Variants in AGAP1 observed in about 807,000 individuals in gnomAD.
AGAP1 encodes the protein arf-GAP with GTPase, ANK repeat and PH domain-containing protein 1.
In AGAP1, 29 loss-of-function variants were observed where a neutral mutation model predicts 105.3. The ratio of observed to expected loss-of-function variants is 0.28; its 90% CI spans 0.21 to 0.38. The LOEUF is 0.38. Ranked by LOEUF, AGAP1 falls within the 10% of genes least tolerant of loss-of-function variation. AGAP1 has a pLI of 1.00. For missense variants in AGAP1, 998 were observed against 1,165.1 expected, an observed-to-expected ratio of 0.86 and a Z score of 2.09; for synonymous variants, 509 against 485.9, an observed-to-expected ratio of 1.05 and a Z score of -0.63.
At chr2:235,776,985 G>A (rs541116015) in intron 6 of AGAP1, 5 of 471,188 alleles carry the variant, frequency 1.1e-5, no homozygotes, top group South Asian at 7.7e-5. Context: ...AGTACATGGT[G>A]AGTTCCCAGC....
In AGAP1 at chr2:235,596,949, A is replaced by G. The variant is rs1162822012; in HGVS notation, c.163+102100A>G. 6.6e-6 allele frequency among the ~76,000 whole-genome samples: 1 copy of G among 152,160 alleles called. No individual in the cohort carries two copies. Among genetic ancestry groups the G allele is most frequent in the Non-Finnish European group, 1.5e-5 (1 of 68,032 alleles). ...ATGAGGAGATATGGCTTCTGCAGGA[A>G]GAGGCCTCACCAGGAACCAAATTGA... is the stretch of plus-strand genomic sequence containing the variant. On this transcript the variant is annotated intron_variant, in intron 1 of 17. Transcript: ENST00000304032. The surrounding 1 kb of genome is among the most constrained non-coding windows in gnomAD (Gnocchi z 5.9).
intron 1 of AGAP1, among the ~76,000 whole-genome samples, chr2:235,587,953 GGT>G (rs1303455335): frequency 6.6e-6 from 1 of 152,098 alleles, no homozygotes; most frequent in East Asian, 1.9e-4. Context: ...TTTGTGGCCG[GGT>G]GTGGTGGCTC....
In AGAP1 at chr2:235,551,502, A is replaced by G. The variant is rs538057554; in HGVS notation, c.163+56653A>G. ...TTTTGTAGAGACGGGTCGTCCAGTG[A>G]TACTCAGATTGGTCTCTAACTCCTG... On this transcript the variant is annotated intron_variant, in intron 1 of 17. Coordinates refer to ENST00000304032, the MANE Select transcript of AGAP1 (RefSeq NM_001037131.3). This position sits in a 1 kb window ranked among gnomAD's most constrained non-coding sequence, Gnocchi z 4.8. 2.0e-5 allele frequency among the ~76,000 whole-genome samples: 3 copies of G among 152,022 alleles called. No individual in the cohort carries two copies. The highest frequency in any genetic ancestry group is 3.9e-4 in the East Asian group (2 of 5,122).
intron 17 of AGAP1, among the ~76,000 whole-genome samples, chr2:236,122,341 A>C (rs1163970876): frequency 6.6e-6 from 1 of 152,138 alleles, no homozygotes; most frequent in Non-Finnish European, 1.5e-5. Context: ...ATACAGTCAC[A>C]TTCTAAAGTA....
Position 235,801,719 on chromosome 2 carries a change from G to A in AGAP1, c.957+2197G>A, listed in dbSNP as rs13430857. On this transcript the variant is annotated intron_variant, in intron 8 of 17. Transcript: ENST00000304032. The surrounding 1 kb of genome is among the most constrained non-coding windows in gnomAD (Gnocchi z 6.0). The stretch of plus-strand genomic sequence containing the variant: ...AAGGTGGGCTGTGGGCAGGCGGCCT[G>A]TGCCCCGGGAGGAGGGGCGGGCTTG... Among the ~76,000 whole-genome samples, 35,955 of 152,094 alleles carry A rather than the reference G, an allele frequency of 0.24. 5,220 individuals carry two copies. The highest frequency in any genetic ancestry group is 0.4 in the Admixed American group (6,097 of 15,278).
At chr2:235,892,446 A>G (rs1009650197) in intron 10 of AGAP1, among the ~76,000 whole-genome samples, 6 of 152,154 alleles carry the variant, frequency 3.9e-5, no homozygotes, top group Non-Finnish European at 7.3e-5. Context: ...CTCTAAAATT[A>G]TCATCAGAAT....
intron 11 of AGAP1, among the ~76,000 whole-genome samples, chr2:235,928,647 G>C (rs994286348): frequency 1.3e-5 from 2 of 152,188 alleles, no homozygotes; most frequent in Non-Finnish European, 2.9e-5. Context: ...TGGTGGGCAC[G>C]GGCTCCAGGA....
intron 1 of AGAP1, among the ~76,000 whole-genome samples, chr2:235,651,516 A>G (rs1386265043): frequency 6.6e-6 from 1 of 152,228 alleles, no homozygotes; most frequent in Non-Finnish European, 1.5e-5. Context: ...GCAAATAGAC[A>G]AAAACCAATT....
intron 9 of AGAP1, among the ~76,000 whole-genome samples, chr2:235,816,450 AAAAAAAAG>A (rs1958461591): frequency 6.6e-6 from 1 of 151,490 alleles, no homozygotes; most frequent in African/African-American, 2.4e-5. Flanking sequence ...AAAAAAAAAA[AAAAAAAAG>A]GAAAGAAAGA....
rs1212758560 is a variant in AGAP1, at chr2:236,095,897, A to G, written c.2115-24295A>G. 2.2e-5 allele frequency among the ~76,000 whole-genome samples: 2 copies of G among 92,768 alleles called. No homozygotes were observed. Among genetic ancestry groups the G allele is most frequent in the Non-Finnish European group, 5.0e-5 (2 of 39,868 alleles). 60.9% of individuals were successfully genotyped at this position (92,768 alleles called of 152,430 possible). On this transcript the variant is annotated intron_variant, in intron 16 of 17. Transcript: ENST00000304032. The surrounding 1 kb of genome is among the most constrained non-coding windows in gnomAD (Gnocchi z 4.1). The stretch of plus-strand genomic sequence containing the variant: ...CCTTTTAGGATGTGCCTCTCCATAG[A>G]GAAGAAGTTCACATTCCTTTTCTGT...
At chr2:235,593,329 G>A (rs572908608) in intron 1 of AGAP1, among the ~76,000 whole-genome samples, 1 of 152,252 alleles carries the variant, frequency 6.6e-6, no homozygotes, top group South Asian at 2.1e-4. Flanking sequence ...AAACAAAAGT[G>A]GAACAGAACA....
Position 235,625,136 on chromosome 2 carries a change from G to C in AGAP1, c.164-84043G>C, listed in dbSNP as rs1946598402. On this transcript the variant is annotated intron_variant, in intron 1 of 17. Transcript: ENST00000304032. The surrounding 1 kb of genome is among the most constrained non-coding windows in gnomAD (Gnocchi z 4.0). The stretch of plus-strand genomic sequence containing the variant: ...CAGGTGTGATCATTGGATGAGGAAG[G>C]CTCTCGGAATCATTCCAGGTGCCTG... 6.6e-6 allele frequency among the ~76,000 whole-genome samples: 1 copy of C among 152,136 alleles called. No homozygotes were observed. Among genetic ancestry groups the C allele is most frequent in the African/African-American group, 2.4e-5 (1 of 41,418 alleles).
chr2:235,706,349 C>T (rs775437584), intron 1 of AGAP1, among the ~76,000 whole-genome samples: 1 of 152,112 alleles, frequency 6.6e-6, no homozygotes, highest in African/African-American at 2.4e-5. Context: ...CTCAGGCTCC[C>T]GAGTAACTGG....
In AGAP1 at chr2:235,645,170, A is replaced by G. The variant is rs143512478; in HGVS notation, c.164-64009A>G. On this transcript the variant is annotated intron_variant, in intron 1 of 17. Coordinates refer to ENST00000304032, the MANE Select transcript of AGAP1 (RefSeq NM_001037131.3). ...CTCAGCCTCCCAAAGTGCTGGGATTATAGGCGTGAGCCACTGCACCCGGCC... is the reference window on the plus strand; with the variant it reads ...CTCAGCCTCCCAAAGTGCTGGGATTGTAGGCGTGAGCCACTGCACCCGGCC... Among the ~76,000 whole-genome samples, 286 of 152,346 alleles carry G rather than the reference A, an allele frequency of 1.9e-3. 2 individuals carry two copies. The highest frequency in any genetic ancestry group is 6.5e-3 in the African/African-American group (271 of 41,574).
rs931546173 is a variant in AGAP1, at chr2:236,082,036, A to G, written c.2114+32755A>G. On this transcript the variant is annotated intron_variant, in intron 16 of 17. Coordinates refer to ENST00000304032, the MANE Select transcript of AGAP1 (RefSeq NM_001037131.3). The surrounding 1 kb of genome is among the most constrained non-coding windows in gnomAD (Gnocchi z 4.2). Reference sequence around the variant, plus strand: ...GTCACTAATCCAAAAGGAATGTGAAAAAAGAGTTGTTTTAATGTTGGAAAA... The same window carrying G: ...GTCACTAATCCAAAAGGAATGTGAAGAAAGAGTTGTTTTAATGTTGGAAAA... Among the ~76,000 whole-genome samples, 3 of 152,224 alleles carry G rather than the reference A, an allele frequency of 2.0e-5. No individual in the cohort carries two copies. The highest frequency in any genetic ancestry group is 7.2e-5 in the African/African-American group (3 of 41,454).
intron 1 of AGAP1, among the ~76,000 whole-genome samples, chr2:235,693,350 C>G (rs982298723): frequency 6.6e-6 from 1 of 152,120 alleles, no homozygotes; most frequent in African/African-American, 2.4e-5. Context: ...TGTCACCAGT[C>G]TATGATTGGA....
At chr2:235,583,361 G>A (rs991465863) in intron 1 of AGAP1, among the ~76,000 whole-genome samples, 8 of 152,036 alleles carry the variant, frequency 5.3e-5, no homozygotes, top group Non-Finnish European at 7.4e-5. Context: ...GGTCAGGTGC[G>A]GGTCCCCTGC....
At chr2:236,041,170 T>G (rs1250697879) in intron 15 of AGAP1, among the ~76,000 whole-genome samples, 2 of 151,974 alleles carry the variant, frequency 1.3e-5, no homozygotes, top group Admixed American at 1.3e-4. Context: ...AAGACGAGCC[T>G]GGGCAACACA....
At chr2:235,554,179 A>G (rs555014451) in intron 1 of AGAP1, among the ~76,000 whole-genome samples, 1 of 152,374 alleles carries the variant, frequency 6.6e-6, no homozygotes, top group East Asian at 1.9e-4. Context: ...TTTGGCAGGT[A>G]ATTAGGAACT....
Sources: gnomAD v4.1 joint callset for allele counts (sites outside exome capture counted in the v4.1 genomes callset) on GRCh38, gnomAD v4.1.1 for gene constraint, Gnocchi (gnomAD v3.1) non-coding constraint, MANE v1.5 for transcripts, NCBI Gene and HGNC (gene_info 2026-07-23, HGNC 2026-07-21) for gene names.